The following AGBL1 variants were observed in gnomAD, a reference collection of about 807,000 sequenced individuals.
AGBL1 encodes AGBL carboxypeptidase 1, also known as cytosolic carboxypeptidase 4.
In AGBL1, 130 loss-of-function variants were observed where a neutral mutation model predicts 118.9. The observed-to-expected ratio is 1.09, with a 90% CI of 0.95 to 1.26. The LOEUF (loss-of-function observed/expected upper bound fraction) is 1.26, where lower values mean the gene tolerates loss of function less well. Among genes scored for constraint, AGBL1 ranks in the 50% most tolerant of loss-of-function variants. The pLI, the probability that AGBL1 is intolerant of heterozygous loss-of-function variation, is 0.00. For synonymous variants in AGBL1, 555 were observed against 478.9 expected (o/e 1.16, Z -2.08); for missense variants, 1,584 against 1,298.1 (o/e 1.22, Z -3.38).
chr15:86,208,771 C>G lies in AGBL1; in HGVS notation c.489-16143C>G, dbSNP rs947563137. Reference sequence around the variant, plus strand: ...TATGTTGATGTTTTCAAAAAAACAGCTCCTGGATTCATTGATTTTTTGAAG... The same window carrying G: ...TATGTTGATGTTTTCAAAAAAACAGGTCCTGGATTCATTGATTTTTTGAAG... On this transcript the variant is annotated intron_variant, in intron 5 of 22. Coordinates refer to ENST00000614907, the MANE Select transcript of AGBL1 (RefSeq NM_001386094.1). Among the ~76,000 whole-genome samples the G allele has an allele frequency of 5.5e-4, 84 of 152,294 alleles. 1 individual carries two copies. The highest frequency in any genetic ancestry group is 1.9e-3 in the African/African-American group (80 of 41,554).
chr15:87,016,498 A>T (rs1433442), intron 24 of AGBL1, among the ~76,000 whole-genome samples: 15,696 of 152,202 alleles, frequency 0.1, 1,622 homozygotes, highest in African/African-American at 0.27. Flanking sequence ...GGCCTTTATT[A>T]TCTCATCTAT....
intron 21 of AGBL1, among the ~76,000 whole-genome samples, chr15:86,606,754 CT>C (rs1211392383): frequency 2.6e-5 from 4 of 152,150 alleles, no homozygotes; most frequent in Non-Finnish European, 4.4e-5. Context: ...CCAGCTTCCC[CT>C]ATTATTAACA....
intron 21 of AGBL1, among the ~76,000 whole-genome samples, chr15:86,608,163 C>A (rs779811214): frequency 1.3e-5 from 2 of 152,140 alleles, no homozygotes; most frequent in African/African-American, 2.4e-5. Context: ...TATCTGAGAT[C>A]CAGAACAGCT....
chr15:87,022,097 A>T (rs1050945603), intron 24 of AGBL1, among the ~76,000 whole-genome samples: 3 of 152,094 alleles, frequency 2.0e-5, no homozygotes, highest in Non-Finnish European at 2.9e-5. Context: ...GAAAAGGGGG[A>T]GAGTACTACC....
chr15:86,397,345 C>A (rs1312989512), intron 17 of AGBL1, 21 bp from the exon 18 acceptor site: 2 of 1,453,672 alleles, frequency 1.4e-6, no homozygotes, highest in East Asian at 4.8e-5. Context: ...GTTTAATTTT[C>A]TTATGTCCCT....
At chr15:86,903,518 C>T (rs1278486279) in intron 22 of AGBL1, among the ~76,000 whole-genome samples, 1 of 152,150 alleles carries the variant, frequency 6.6e-6, no homozygotes, top group African/African-American at 2.4e-5. Flanking sequence ...TTGCTGTTGG[C>T]ATGTCTTGAT....
chr15:86,824,588 T>G (rs1416993604), intron 22 of AGBL1, among the ~76,000 whole-genome samples: 2 of 151,888 alleles, frequency 1.3e-5, no homozygotes, highest in African/African-American at 2.4e-5. Flanking sequence ...CAGCTTATTC[T>G]AAAATTTATA....
chr15:86,273,308 T>A (rs1298939032), intron 15 of AGBL1, among the ~76,000 whole-genome samples: 1 of 152,166 alleles, frequency 6.6e-6, no homozygotes, highest in African/African-American at 2.4e-5. Context: ...ACAATTACTA[T>A]GTGATTAAAG....
At chr15:86,957,223 A>G (rs2080939953) in intron 23 of AGBL1, among the ~76,000 whole-genome samples, 1 of 152,126 alleles carries the variant, frequency 6.6e-6, no homozygotes, top group Admixed American at 6.6e-5. Context: ...CCTTGAAATT[A>G]AAGGACATTC....
At chr15:86,917,723 A>G (rs1257475913), downstream of AGBL1, among the ~76,000 whole-genome samples, 5 of 152,072 alleles carry the variant, frequency 3.3e-5, no homozygotes, top group Non-Finnish European at 7.4e-5. This position sits in a 1 kb window ranked among gnomAD's most constrained non-coding sequence, Gnocchi z 4.8. Context: ...TCTGCTGTGC[A>G]TTAGATGGTA....
intron 24 of AGBL1, among the ~76,000 whole-genome samples, chr15:87,026,154 T>C (rs937938831): frequency 5.9e-5 from 9 of 151,718 alleles, no homozygotes; most frequent in Admixed American, 5.9e-4. Flanking sequence ...AGATAAATTG[T>C]TGGGACTTAG....
intron 5 of AGBL1, among the ~76,000 whole-genome samples, chr15:86,208,954 G>A (rs1319539743): frequency 2.0e-5 from 3 of 152,154 alleles, no homozygotes; most frequent in East Asian, 1.9e-4. Flanking sequence ...TGGGCATTTA[G>A]TGCTACAAAT....
At chr15:86,859,351 C>T (rs966134925) in intron 22 of AGBL1, among the ~76,000 whole-genome samples, 2 of 152,128 alleles carry the variant, frequency 1.3e-5, no homozygotes, top group East Asian at 1.9e-4. Context: ...CATTAGTGTG[C>T]CAGGTGCTAG....
intron 21 of AGBL1, among the ~76,000 whole-genome samples, chr15:86,599,785 G>A (rs2084466256): frequency 6.6e-6 from 1 of 152,056 alleles, no homozygotes; most frequent in African/African-American, 2.4e-5. Flanking sequence ...TGCTCATTCT[G>A]AACAGTTGTG....
At chr15:86,343,673 G>A (rs2080495115) in intron 17 of AGBL1, among the ~76,000 whole-genome samples, 1 of 152,150 alleles carries the variant, frequency 6.6e-6, no homozygotes. Flanking sequence ...GGGAGAGGAG[G>A]GGAAGGCTTG....
chr15:86,522,843 C>T lies in AGBL1; in HGVS notation c.2589C>T (p.Asn863=). The T allele has an allele frequency of 6.2e-7, 1 of 1,613,716 alleles. No individual in the cohort carries two copies. Among genetic ancestry groups the T allele is most frequent in the South Asian group, 1.1e-5 (1 of 91,084 alleles). Residue 863 remains asparagine, a synonymous_variant, in exon 19 of 23, where the codon AAC becomes AAT. Transcript: ENST00000614907. ...GCTCACTGAGCGGGGAAGATTTGAACAGACAATGGCTTTCTCCCAGTGCTC... is the reference window on the plus strand; with the variant it reads ...GCTCACTGAGCGGGGAAGATTTGAATAGACAATGGCTTTCTCCCAGTGCTC... ...HRCSLSGEDL[N]RQWLSPSAHL... is the part of the protein sequence containing the mutation.
intron 1 of AGBL1, among the ~76,000 whole-genome samples, chr15:86,094,104 T>A (rs1239654653): frequency 6.6e-6 from 1 of 152,194 alleles, no homozygotes; most frequent in Non-Finnish European, 1.5e-5. Context: ...GGATATGTGT[T>A]CAAATATTTG....
chr15:86,515,126 G>A (rs1042115535), intron 18 of AGBL1, among the ~76,000 whole-genome samples: 1 of 152,162 alleles, frequency 6.6e-6, no homozygotes, highest in African/African-American at 2.4e-5. Context: ...TAGGTATGCT[G>A]CAATGTTATC....
At chr15:86,923,251 A>C (rs1171533493) in intron 23 of AGBL1, among the ~76,000 whole-genome samples, 3 of 152,200 alleles carry the variant, frequency 2.0e-5, no homozygotes. Context: ...AGTGAATTGA[A>C]AAGACTGTCT....
Sources: gnomAD v4.1 joint callset for allele counts (sites outside exome capture counted in the v4.1 genomes callset) on GRCh38, gnomAD v4.1.1 for gene constraint, Gnocchi (gnomAD v3.1) non-coding constraint, MANE v1.5 for transcripts, NCBI Gene and HGNC (gene_info 2026-07-23, HGNC 2026-07-21) for gene names.